The following APOBEC2 variants were observed in gnomAD, a reference collection of about 807,000 sequenced individuals.
APOBEC2 encodes C->U-editing enzyme APOBEC-2.
Under a neutral mutation model 19.4 loss-of-function variants are expected in APOBEC2, and 14 were observed. That is an observed-to-expected ratio of 0.72 (90% CI 0.48 to 1.13). APOBEC2 has a LOEUF of 1.13. Ranked by LOEUF, APOBEC2 falls within the 50% of genes most tolerant of loss-of-function variation. The pLI is 0.00. For missense variants in APOBEC2, 304 were observed against 277.0 expected, an observed-to-expected ratio of 1.10 and a Z score of -0.69; for synonymous variants, 127 against 112.1, an observed-to-expected ratio of 1.13 and a Z score of -0.84.
At chr6:41,057,539 T>C (rs932100988) in intron 1 of APOBEC2, among the ~76,000 whole-genome samples, 6 of 147,312 alleles carry the variant, frequency 4.1e-5, no homozygotes, top group Non-Finnish European at 9.3e-5. Context: ...TACTACTCTT[T>C]CTGATTATGC....
chr6:41,061,520 G>C lies in APOBEC2; in HGVS notation c.324G>C (p.Leu108=). 4 of 1,614,066 alleles carry C rather than the reference G, an allele frequency of 2.5e-6. No individual in the cohort carries two copies. Among genetic ancestry groups the C allele is most frequent in the Non-Finnish European group, 3.4e-6 (4 of 1,179,936 alleles). Residue 108 remains leucine (L), a synonymous_variant, in exon 2 of 3, where the codon CTG becomes CTC. Transcript: ENST00000244669. ...AGGAAGCTTTCTTCAACACCATCCT[G>C]CCAGCCTTCGACCCAGCCCTGCGGT... ...HAEEAFFNTI[L]PAFDPALRYN...
intron 1 of APOBEC2, among the ~76,000 whole-genome samples, chr6:41,055,778 A>G (rs1265243215): frequency 6.6e-6 from 1 of 152,198 alleles, no homozygotes; most frequent in African/African-American, 2.4e-5. Flanking sequence ...AATGTTCTGG[A>G]AAAGGGCCTA....
At chr6:41,060,967 AC>A (rs1329726866) in intron 1 of APOBEC2, among the ~76,000 whole-genome samples, 2 of 152,232 alleles carry the variant, frequency 1.3e-5, no homozygotes, top group Non-Finnish European at 2.9e-5. Context: ...AGGCCCAGGC[AC>A]TGACATTCTC....
intron 1 of APOBEC2, among the ~76,000 whole-genome samples, chr6:41,058,413 ACACACACACACACT>A (rs1404206624): frequency 2.6e-5 from 4 of 151,196 alleles, no homozygotes; most frequent in African/African-American, 9.7e-5. Flanking sequence ...ACACACACAC[ACACACACACACACT>A]CACACACACA....
chr6:41,063,534 C>CTTTTTTT (rs34638825), intron 2 of APOBEC2, among the ~76,000 whole-genome samples: 1 of 85,366 alleles, frequency 1.2e-5, no homozygotes. Flanking sequence ...GTCCTTAGAG[C>CTTTTTTT]TTTTTTTTTT....
intron 1 of APOBEC2, among the ~76,000 whole-genome samples, chr6:41,055,796 C>T (rs930714762): frequency 1.4e-4 from 22 of 152,160 alleles, no homozygotes; most frequent in Non-Finnish European, 2.9e-4. Flanking sequence ...CTAAGCCTGC[C>T]GTAGCGTGCT....
Position 41,056,741 on chromosome 6 carries a change from G to A in APOBEC2, c.131+3263G>A, listed in dbSNP as rs545873966. Reference sequence around the variant, plus strand: ...CTAGCTCCTGATAGGTACTCAATACGTATTTGTTGAATAAATGAATGACCT... The same window carrying A: ...CTAGCTCCTGATAGGTACTCAATACATATTTGTTGAATAAATGAATGACCT... On this transcript the variant is annotated intron_variant, in intron 1 of 2. Coordinates refer to ENST00000244669, the MANE Select transcript of APOBEC2 (RefSeq NM_006789.4). Among the ~76,000 whole-genome samples the A allele has an allele frequency of 6.6e-5, 10 of 152,286 alleles. No homozygotes were observed. The South Asian group carries it at 1.0e-3, about 16-fold the overall frequency.
intron 2 of APOBEC2, among the ~76,000 whole-genome samples, chr6:41,062,843 CTGAT>C (rs1401715293): frequency 6.6e-6 from 1 of 152,132 alleles, no homozygotes; most frequent in Admixed American, 6.5e-5. Flanking sequence ...TACATTTAGT[CTGAT>C]TGAGTTTGCG....
At chr6:41,057,418 A>G (rs1762810288) in intron 1 of APOBEC2, among the ~76,000 whole-genome samples, 1 of 152,164 alleles carries the variant, frequency 6.6e-6, no homozygotes, top group Non-Finnish European at 1.5e-5. Context: ...TACCAGGGAA[A>G]ACAGGCAAGT....
chr6:41,057,022 C>A (rs1419717777), intron 1 of APOBEC2, among the ~76,000 whole-genome samples: 1 of 152,140 alleles, frequency 6.6e-6, no homozygotes, highest in Admixed American at 6.5e-5. Context: ...CCTGGCAGCA[C>A]CCTTGATGTG....
At chr6:41,063,258 G>A (rs1234031203) in intron 2 of APOBEC2, among the ~76,000 whole-genome samples, 1 of 152,080 alleles carries the variant, frequency 6.6e-6, no homozygotes, top group Non-Finnish European at 1.5e-5. Context: ...CCTATGATAG[G>A]GTATACTGTG....
chr6:41,061,466 A>G lies in APOBEC2; in HGVS notation c.270A>G (p.Leu90=). 5.0e-6 allele frequency: 8 copies of G among 1,613,854 alleles called. No homozygotes were observed. The highest frequency in any genetic ancestry group is 6.8e-6 in the Non-Finnish European group (8 of 1,179,852). Residue 90 remains leucine, a synonymous_variant, in exon 2 of 3, where the codon CTA becomes CTG. Coordinates refer to ENST00000244669, the MANE Select transcript of APOBEC2 (RefSeq NM_006789.4). ...GGQVQASRGY[L]EDEHAAAHAE... is the part of the protein sequence containing the mutation. Reference sequence around the variant, plus strand: ...AAGTGCAGGCATCTCGGGGATACCTAGAGGATGAGCATGCGGCTGCCCATG... The same window carrying G: ...AAGTGCAGGCATCTCGGGGATACCTGGAGGATGAGCATGCGGCTGCCCATG...
chr6:41,053,611 G>T, intron 1 of APOBEC2, 133 bp downstream of exon 1: 1 of 1,351,974 alleles, frequency 7.4e-7, no homozygotes, highest in Non-Finnish European at 9.9e-7. Context: ...GTGCACCAGT[G>T]GGCCCGGCAG....
chr6:41,058,150 C>CA lies in APOBEC2; in HGVS notation c.132-3178_132-3177insA, dbSNP rs1161450416. On this transcript the variant is annotated intron_variant, in intron 1 of 2. Coordinates refer to ENST00000244669, the MANE Select transcript of APOBEC2 (RefSeq NM_006789.4). ...CCACCACCCACCACCACCACCCCAC[C>CA]CCACACACACACACACACACACACA... 9.5e-3 allele frequency among the ~76,000 whole-genome samples: 687 copies of CA among 72,602 alleles called. 38 individuals carry two copies. Among genetic ancestry groups the CA allele is most frequent in the South Asian group, 0.064 (150 of 2,350 alleles). 47.6% of individuals were successfully genotyped at this position (72,602 alleles called of 152,430 possible).
intron 1 of APOBEC2, among the ~76,000 whole-genome samples, chr6:41,058,724 C>T (rs143852832): frequency 9.6e-4 from 146 of 152,248 alleles, no homozygotes; most frequent in Non-Finnish European, 1.9e-3. Context: ...GTAGCTATTT[C>T]GGTCTGTGAG....
Position 41,061,542 on chromosome 6 carries a change from C to A in APOBEC2, c.346C>A (p.Arg116=). ...TILPAFDPAL[R]YNVTWYVSSS... ...CCTGCCAGCCTTCGACCCAGCCCTG[C>A]GGTACAATGTCACCTGGTATGTGTC... The change falls in exon 2 of 3, where the codon CGG becomes AGG. Residue 116 remains arginine (R), a synonymous_variant. Coordinates refer to ENST00000244669, the MANE Select transcript of APOBEC2 (RefSeq NM_006789.4). 6.2e-7 allele frequency: 1 copy of A among 1,614,198 alleles called. No individual in the cohort carries two copies. Among genetic ancestry groups the A allele is most frequent in the Non-Finnish European group, 8.5e-7 (1 of 1,180,016 alleles).
rs563548997 is a variant in APOBEC2 at position 41,053,283 on chromosome 6, G to A, written c.-65G>A. 8 of 1,565,116 alleles carry A rather than the reference G, an allele frequency of 5.1e-6. No homozygotes were observed. Among genetic ancestry groups the A allele is most frequent in the Admixed American group, 3.7e-5 (2 of 53,720 alleles). The stretch of plus-strand genomic sequence containing the variant: ...ACAGCTGCTTGGGACTCTGCCGCCA[G>A]GGCCTGGCCCAGACCTGCCTGCCTC... On this transcript the variant is annotated 5_prime_UTR_variant, in exon 1 of 3. Coordinates refer to ENST00000244669, the MANE Select transcript of APOBEC2 (RefSeq NM_006789.4).
At chr6:41,061,155 G>GC (rs1762865260) in intron 1 of APOBEC2, among the ~76,000 whole-genome samples, 173 bp from the exon 2 acceptor site, 1 of 115,900 alleles carries the variant, frequency 8.6e-6, no homozygotes, top group Non-Finnish European at 1.8e-5. Context: ...ATTTTTTAAT[G>GC]CTTTTTTTTT....
chr6:41,061,667 G>A lies in APOBEC2; in HGVS notation c.471G>A (p.Trp157Ter), dbSNP rs753055205. ...LLILVGRLFM[W>*]EEPEIQAALK... ...TTCTGGTGGGTCGACTCTTCATGTG[G>A]GAGGAGCCGGAGATCCAGGCTGCTC... Residue 157 changes from tryptophan (W) to a stop codon, truncating the protein, a stop_gained, in exon 2 of 3, where the codon TGG becomes TGA. Coordinates refer to ENST00000244669, the MANE Select transcript of APOBEC2 (RefSeq NM_006789.4). LOFTEE classifies it high-confidence loss of function. 1 of 1,614,266 alleles carries A rather than the reference G, an allele frequency of 6.2e-7. No homozygotes were observed. Among genetic ancestry groups the A allele is most frequent in the Non-Finnish European group, 8.5e-7 (1 of 1,180,054 alleles).
Sources: gnomAD v4.1 joint callset for allele counts (sites outside exome capture counted in the v4.1 genomes callset) on GRCh38, gnomAD v4.1.1 for gene constraint, MANE v1.5 for transcripts, NCBI Gene and HGNC (gene_info 2026-07-23, HGNC 2026-07-21) for gene names.